Variants in PRKG1 observed in about 807,000 individuals in gnomAD.
The protein encoded by PRKG1 is protein kinase cGMP-dependent 1, also known as cGMP-dependent protein kinase 1.
In PRKG1, 35 loss-of-function variants were observed where a neutral mutation model predicts 88.1. That is an observed-to-expected ratio of 0.40 (90% CI 0.30 to 0.53). The LOEUF (loss-of-function observed/expected upper bound fraction) is 0.53. Among genes scored for constraint, PRKG1 ranks in the 20% least tolerant of loss-of-function variants. The pLI, the probability that PRKG1 is intolerant of heterozygous loss-of-function variation, is 0.59. For missense variants in PRKG1, 540 were observed against 839.8 expected (o/e 0.64, Z 4.41); for synonymous variants, 303 against 292.5 (o/e 1.04, Z -0.37).
At chr10:52,144,546 C>T (rs1366807751) in intron 8 of PRKG1, among the ~76,000 whole-genome samples, 1 of 152,216 alleles carries the variant, frequency 6.6e-6, no homozygotes, top group African/African-American at 2.4e-5. Flanking sequence ...CACAGTGGCT[C>T]ATGCCTGTAA....
intron 4 of PRKG1, among the ~76,000 whole-genome samples, chr10:51,832,181 A>G (rs935131091): frequency 6.6e-6 from 1 of 152,196 alleles, no homozygotes; most frequent in African/African-American, 2.4e-5. Flanking sequence ...TATAGAGGCT[A>G]AGAAATTTTC....
chr10:52,173,554 C>T (rs953577532), intron 9 of PRKG1, among the ~76,000 whole-genome samples: 1 of 152,138 alleles, frequency 6.6e-6, no homozygotes, highest in Non-Finnish European at 1.5e-5. Flanking sequence ...AGATCTTTAA[C>T]TTGCTATTTG....
At chr10:52,111,891 T>C (rs150643514) in intron 7 of PRKG1, among the ~76,000 whole-genome samples, 1 of 152,332 alleles carries the variant, frequency 6.6e-6, no homozygotes, top group African/African-American at 2.4e-5. Flanking sequence ...TCTCGCATAC[T>C]ACTTAACATT....
chr10:51,229,982 A>G (rs762245622), intron 2 of PRKG1, among the ~76,000 whole-genome samples: 1 of 151,770 alleles, frequency 6.6e-6, no homozygotes, highest in African/African-American at 2.4e-5. Context: ...GAAATTTAGC[A>G]GTGTCTATCA....
At chr10:51,642,412 A>G (rs1839822358) in intron 3 of PRKG1, among the ~76,000 whole-genome samples, 1 of 152,036 alleles carries the variant, frequency 6.6e-6, no homozygotes, top group Non-Finnish European at 1.5e-5. Context: ...AAAACTGAAT[A>G]CTTAAATACT....
intron 9 of PRKG1, among the ~76,000 whole-genome samples, chr10:52,176,077 T>C (rs138757216): frequency 6.6e-6 from 1 of 152,176 alleles, no homozygotes; most frequent in South Asian, 2.1e-4. Context: ...CCTAGGCTGA[T>C]GTCTTGAAGC....
intron 3 of PRKG1, among the ~76,000 whole-genome samples, chr10:51,727,575 T>C (rs1476195178): frequency 6.6e-6 from 1 of 152,174 alleles, no homozygotes; most frequent in Non-Finnish European, 1.5e-5. Flanking sequence ...CTTTGGCCAT[T>C]AGCACAGAAA....
At chr10:51,083,266 G>A (rs1021158189) in intron 1 of PRKG1, among the ~76,000 whole-genome samples, 3 of 152,306 alleles carry the variant, frequency 2.0e-5, no homozygotes, top group African/African-American at 7.2e-5. Context: ...TGCCAGCCAG[G>A]GTTCCTGGCC....
At chr10:51,134,841 A>G (rs1056968708) in intron 1 of PRKG1, among the ~76,000 whole-genome samples, 1 of 152,180 alleles carries the variant, frequency 6.6e-6, no homozygotes, top group Non-Finnish European at 1.5e-5. Context: ...TGGCTCATAA[A>G]CTACTGAAAA....
At chr10:51,713,381 A>C (rs969181654) in intron 3 of PRKG1, among the ~76,000 whole-genome samples, 2 of 152,234 alleles carry the variant, frequency 1.3e-5, no homozygotes, top group Non-Finnish European at 2.9e-5. Flanking sequence ...CAGGTGATTT[A>C]ATAAAAACCA....
chr10:51,796,854 A>G (rs1372456872), intron 3 of PRKG1, among the ~76,000 whole-genome samples: 1 of 152,024 alleles, frequency 6.6e-6, no homozygotes, highest in Non-Finnish European at 1.5e-5. Context: ...TGACCTCCAT[A>G]ACTGCATAGC....
chr10:52,100,921 C>G (rs986236719), intron 7 of PRKG1, among the ~76,000 whole-genome samples: 2 of 152,146 alleles, frequency 1.3e-5, no homozygotes, highest in East Asian at 3.8e-4. Flanking sequence ...AGCTCTTTCT[C>G]ATTTGTGGTG....
chr10:52,143,959 C>A (rs1245206159), intron 8 of PRKG1, among the ~76,000 whole-genome samples: 1 of 152,090 alleles, frequency 6.6e-6, no homozygotes, highest in Non-Finnish European at 1.5e-5. Context: ...CAGATGCATT[C>A]AAAAATCAGC....
At chr10:52,100,881 A>T (rs1433053720) in intron 7 of PRKG1, among the ~76,000 whole-genome samples, 1 of 152,240 alleles carries the variant, frequency 6.6e-6, no homozygotes, top group Non-Finnish European at 1.5e-5. Flanking sequence ...AACATAGCTT[A>T]AAGGAAATAA....
chr10:52,174,631 A>G (rs776937793), intron 9 of PRKG1, among the ~76,000 whole-genome samples: 2 of 152,014 alleles, frequency 1.3e-5, no homozygotes, highest in Non-Finnish European at 2.9e-5. Context: ...TTGTGTCTCT[A>G]TTGCTCATGT....
At chr10:51,755,886 A>T (rs1187559694) in intron 3 of PRKG1, among the ~76,000 whole-genome samples, 1 of 152,208 alleles carries the variant, frequency 6.6e-6, no homozygotes, top group Non-Finnish European at 1.5e-5. Flanking sequence ...GAATACTTTC[A>T]ATAATGAAAT....
chr10:51,784,844 A>C (rs11597716), intron 3 of PRKG1, among the ~76,000 whole-genome samples: 4 of 152,074 alleles, frequency 2.6e-5, no homozygotes, highest in Non-Finnish European at 5.9e-5. Context: ...AATTACATTC[A>C]TTTTTGTTTT....
At chr10:51,616,827 G>A (rs1269997097) in intron 3 of PRKG1, among the ~76,000 whole-genome samples, 1 of 152,162 alleles carries the variant, frequency 6.6e-6, no homozygotes, top group Non-Finnish European at 1.5e-5. Flanking sequence ...AAGTTGGTGG[G>A]TGGGAACATG....
chr10:52,074,620 C>T (rs1846585936), intron 7 of PRKG1, among the ~76,000 whole-genome samples: 1 of 152,114 alleles, frequency 6.6e-6, no homozygotes, highest in South Asian at 2.1e-4. Context: ...TGTTTTGTGT[C>T]TCTGTCATTC....
Sources: gnomAD v4.1 joint callset for allele counts (sites outside exome capture counted in the v4.1 genomes callset) on GRCh38, gnomAD v4.1.1 for gene constraint, MANE v1.5 for transcripts, NCBI Gene and HGNC (gene_info 2026-07-23, HGNC 2026-07-21) for gene names.